The following CLNK variants were observed in gnomAD, a reference collection of about 807,000 sequenced individuals.
The protein encoded by CLNK is cytokine-dependent hematopoietic cell linker.
Under a neutral mutation model 68.6 loss-of-function variants are expected in CLNK, and 74 were observed. That is an observed-to-expected ratio of 1.08 (90% CI 0.89 to 1.31). CLNK has a LOEUF of 1.31. CLNK is among the 50% of genes most tolerant of loss of function. CLNK has a pLI of 0.00. For missense variants in CLNK, 553 were observed against 515.3 expected, an observed-to-expected ratio of 1.07 and a Z score of -0.71; for synonymous variants, 198 against 172.2, an observed-to-expected ratio of 1.15 and a Z score of -1.17.
chr4:10,613,025 C>A (rs927868020), intron 2 of CLNK, among the ~76,000 whole-genome samples: 4 of 152,064 alleles, frequency 2.6e-5, no homozygotes, highest in Non-Finnish European at 2.9e-5. Flanking sequence ...TCTTAGTGCT[C>A]AATGTGGGCC....
At position 10,520,804 on chromosome 4, in the gene CLNK, A is replaced by G. The variant is rs772851478; in HGVS notation, c.759T>C (p.Ser253=). Residue 253 remains serine (S), a synonymous_variant, in exon 15 of 19, where the codon AGT becomes AGC. Transcript: ENST00000226951. ...SSSSFTTSNH[S]VQNRDHRGGM... The stretch of plus-strand genomic sequence containing the variant: ...AAGTGCTCTTACCTCTGTTTTGCAC[A>G]CTGTGGTTGCTTGTCGTGAATGAAG... 6 of 1,607,062 alleles carry G rather than the reference A, an allele frequency of 3.7e-6. No individual in the cohort carries two copies. The African/African-American group carries it at 5.3e-5, about 14-fold the overall frequency.
At chr4:10,725,852 TAAA>T in the CLNK span, among the ~76,000 whole-genome samples, 1 of 142,134 alleles carries the variant, frequency 7.0e-6, no homozygotes. Context: ...AGACTCCGTC[TAAA>T]AAAAAAAAAG....
chr4:10,712,342 C>T, the CLNK span, among the ~76,000 whole-genome samples: 3 of 151,960 alleles, frequency 2.0e-5, no homozygotes, highest in Non-Finnish European at 2.9e-5. Flanking sequence ...GGTGAAACTG[C>T]CTTTGCAAAG....
chr4:10,628,084 A>T (rs1722746520), intron 2 of CLNK, among the ~76,000 whole-genome samples: 1 of 152,190 alleles, frequency 6.6e-6, no homozygotes, highest in South Asian at 2.1e-4. Flanking sequence ...GGCCTCCTCC[A>T]ATCTGTTTCC....
At chr4:10,665,654 C>T (rs756973958) in intron 2 of CLNK, among the ~76,000 whole-genome samples, 7 of 126,094 alleles carry the variant, frequency 5.6e-5, no homozygotes, top group Non-Finnish European at 1.1e-4. Context: ...CAGAGCAAGA[C>T]TTCGTCTCAA....
the CLNK span, among the ~76,000 whole-genome samples, chr4:10,717,475 A>C: frequency 6.6e-6 from 1 of 152,196 alleles, no homozygotes; most frequent in East Asian, 1.9e-4. Flanking sequence ...GCACGCCTGT[A>C]ATTCCAGCTC....
chr4:10,711,012 T>G, the CLNK span, among the ~76,000 whole-genome samples: 1 of 152,224 alleles, frequency 6.6e-6, no homozygotes, highest in Admixed American at 6.5e-5. Context: ...ATGTGTGCTA[T>G]TTATACTTCA....
chr4:10,538,887 AG>A (rs1560207500), intron 11 of CLNK, among the ~76,000 whole-genome samples: 1 of 152,228 alleles, frequency 6.6e-6, no homozygotes, highest in Non-Finnish European at 1.5e-5. Context: ...GGTTAAAAAT[AG>A]GTTGGTTAAA....
At chr4:10,721,059 A>G in the CLNK span, among the ~76,000 whole-genome samples, 18 of 152,334 alleles carry the variant, frequency 1.2e-4, no homozygotes, top group African/African-American at 4.3e-4. Flanking sequence ...TGAAAAAGTC[A>G]ATCAAGAAAA....
At chr4:10,724,400 C>T in the CLNK span, among the ~76,000 whole-genome samples, 1 of 152,136 alleles carries the variant, frequency 6.6e-6, no homozygotes, top group African/African-American at 2.4e-5. Context: ...CCTTCTCATC[C>T]TTCTCTACCT....
rs1380287997 is a variant in CLNK at position 10,504,073 on chromosome 4, G to A, written c.985-2662C>T. Reference sequence around the variant, plus strand: ...TGGGATTATACGTGTGAGCCATCGCGCCCGGCTCATTTGCAGGGTCTTTAC... The same window carrying A: ...TGGGATTATACGTGTGAGCCATCGCACCCGGCTCATTTGCAGGGTCTTTAC... On this transcript the variant is annotated intron_variant, in intron 17 of 18. Coordinates refer to ENST00000226951, the MANE Select transcript of CLNK (RefSeq NM_052964.4). Among the ~76,000 whole-genome samples, 7 of 148,642 alleles carry A rather than the reference G, an allele frequency of 4.7e-5. No individual in the cohort carries two copies. The East Asian group carries it at 5.9e-4, about 13-fold the overall frequency.
At position 10,598,017 on chromosome 4, in the gene CLNK, T is replaced by C; in HGVS notation, c.44A>G (p.Asn15Ser). ...GNRKTTKEGS[N>S]DLKFQNFSLP... is the part of the protein sequence containing the mutation. ...ACTGAAGTTCTGGAATTTCAAATCGTTGGATCCTTCTTTAGTTGTCTTTCT... is the reference window on the plus strand; with the variant it reads ...ACTGAAGTTCTGGAATTTCAAATCGCTGGATCCTTCTTTAGTTGTCTTTCT... Residue 15 changes from asparagine to serine, a missense_variant, in exon 3 of 19, where the codon AAC becomes AGC. By Grantham distance (46) the Asn-to-Ser change is conservative (BLOSUM62 1). Transcript: ENST00000226951. 2 of 1,589,970 alleles carry C rather than the reference T, an allele frequency of 1.3e-6. No homozygotes were observed.
intron 13 of CLNK, among the ~76,000 whole-genome samples, chr4:10,526,543 GA>G (rs1156540370): frequency 6.6e-6 from 1 of 152,164 alleles, no homozygotes; most frequent in African/African-American, 2.4e-5. Flanking sequence ...ATCTTAAGAA[GA>G]AGAAAGTTAA....
intron 8 of CLNK, among the ~76,000 whole-genome samples, chr4:10,547,562 G>A (rs144791446): frequency 5.2e-4 from 79 of 152,220 alleles, no homozygotes; most frequent in African/African-American, 1.7e-3. Context: ...ATCAGCTGTA[G>A]GCACTATGTG....
chr4:10,693,747 T>A, the CLNK span, among the ~76,000 whole-genome samples: 1 of 152,274 alleles, frequency 6.6e-6, no homozygotes, highest in Admixed American at 6.5e-5. Context: ...AAAACAACAT[T>A]TATGCCTGAA....
Position 10,490,539 on chromosome 4 carries a change from T to A in CLNK, c.1215A>T (p.Lys405Asn), listed in dbSNP as rs767517164. Reference protein sequence around the residue: ...FPIILIDGKDKTGVHRKQCHL... With the variant: ...FPIILIDGKDNTGVHRKQCHL... The stretch of plus-strand genomic sequence containing the variant: ...GACACTGTTTCCTGTGGACCCCAGT[T>A]TTATCTTTCCCATCAATTAGTATAA... Residue 405 changes from lysine (K) to asparagine (N), a missense_variant, in exon 19 of 19, where the codon AAA becomes AAT. Physicochemically the swap from Lys to Asn is moderately conservative, Grantham distance 94 (BLOSUM62 0). Coordinates refer to ENST00000226951, the MANE Select transcript of CLNK (RefSeq NM_052964.4). The A allele has an allele frequency of 4.6e-5, 74 of 1,608,722 alleles. No homozygotes were observed. The highest frequency in any genetic ancestry group is 6.1e-5 in the Non-Finnish European group (72 of 1,177,448).
intron 2 of CLNK, among the ~76,000 whole-genome samples, chr4:10,642,685 T>A (rs1723357228): frequency 6.6e-6 from 1 of 152,150 alleles, no homozygotes; most frequent in Non-Finnish European, 1.5e-5. Flanking sequence ...AATAAAACAA[T>A]GTAAACAACA....
At chr4:10,603,289 T>G (rs1036861602) in intron 2 of CLNK, among the ~76,000 whole-genome samples, 2 of 152,196 alleles carry the variant, frequency 1.3e-5, no homozygotes, top group African/African-American at 4.8e-5. Context: ...ACATCATGAA[T>G]AATAATAATA....
intron 18 of CLNK, among the ~76,000 whole-genome samples, chr4:10,496,223 T>G (rs1716805025): frequency 6.6e-6 from 1 of 152,210 alleles, no homozygotes; most frequent in African/African-American, 2.4e-5. Context: ...TACATGAAAT[T>G]AAAATAATCT....
Sources: allele counts gnomAD v4.1 joint callset (sites outside exome capture counted in the v4.1 genomes callset), GRCh38; gene constraint gnomAD v4.1.1; transcripts MANE v1.5; gene names NCBI Gene and HGNC (gene_info 2026-07-23, HGNC 2026-07-21).